The following GMDS variants were observed in gnomAD, a reference collection of about 807,000 sequenced individuals.
GMDS encodes GDP-mannose 4,6-dehydratase.
GMDS carries 20 observed loss-of-function variants against 49.9 expected under a neutral mutation model. That is an observed-to-expected ratio of 0.40 (90% CI 0.28 to 0.58). GMDS has a LOEUF of 0.58. GMDS is among the 20% of genes least tolerant of loss of function. The pLI, the probability that GMDS is intolerant of heterozygous loss-of-function variation, is 0.42. For missense variants in GMDS, 362 were observed against 481.4 expected, an observed-to-expected ratio of 0.75 and a Z score of 2.32; for synonymous variants, 177 against 178.6, an observed-to-expected ratio of 0.99 and a Z score of 0.07.
At chr6:1,841,472 T>C (rs1757149570) in intron 7 of GMDS, among the ~76,000 whole-genome samples, 1 of 152,238 alleles carries the variant, frequency 6.6e-6, no homozygotes, top group Admixed American at 6.5e-5. Context: ...CTAACGTTTT[T>C]GAAATGATTG....
intron 9 of GMDS, among the ~76,000 whole-genome samples, chr6:1,680,605 G>T (rs1764757910): frequency 6.6e-6 from 1 of 152,130 alleles, no homozygotes; most frequent in African/African-American, 2.4e-5. Context: ...GACACGCAAG[G>T]TCATACTGCT....
At chr6:2,001,824 T>G (rs1191235923) in intron 4 of GMDS, among the ~76,000 whole-genome samples, 1 of 152,170 alleles carries the variant, frequency 6.6e-6, no homozygotes, top group Admixed American at 6.6e-5. Context: ...CACGGACAAC[T>G]GGAGAGCTAC....
intron 1 of GMDS, among the ~76,000 whole-genome samples, chr6:2,231,742 T>C (rs902862640): frequency 6.6e-6 from 1 of 152,198 alleles, no homozygotes; most frequent in Non-Finnish European, 1.5e-5. Flanking sequence ...CAGACAGCCC[T>C]GGTTTCCAAC....
chr6:2,050,062 A>T (rs1237829880), intron 4 of GMDS, among the ~76,000 whole-genome samples: 1 of 152,154 alleles, frequency 6.6e-6, no homozygotes, highest in African/African-American at 2.4e-5. Flanking sequence ...GACACAAAAA[A>T]CCCTTTAAAA....
At chr6:1,692,387 C>A (rs79327859) in intron 9 of GMDS, among the ~76,000 whole-genome samples, 1 of 152,234 alleles carries the variant, frequency 6.6e-6, no homozygotes, top group African/African-American at 2.4e-5. Flanking sequence ...TTCTGTCCCT[C>A]TAGAGAATGC....
At chr6:1,930,028 T>A in intron 7 of GMDS, 75 bp downstream of exon 7, 2 of 1,379,366 alleles carry the variant, frequency 1.4e-6, no homozygotes, top group Non-Finnish European at 2.0e-6. Context: ...AGGTCACACT[T>A]TTTCACTGTA....
chr6:1,802,643 G>A (rs2113661731), intron 7 of GMDS, among the ~76,000 whole-genome samples: 1 of 152,348 alleles, frequency 6.6e-6, no homozygotes, highest in South Asian at 2.1e-4. Flanking sequence ...AGGCCTGGGC[G>A]AGTCTGCCCT....
chr6:2,129,626 G>A (rs899383988), intron 1 of GMDS, among the ~76,000 whole-genome samples: 2 of 152,150 alleles, frequency 1.3e-5, no homozygotes, highest in African/African-American at 4.8e-5. Context: ...CGTTTGCACT[G>A]CCTTTTTATG....
intron 4 of GMDS, among the ~76,000 whole-genome samples, chr6:2,015,501 G>A (rs1767834477): frequency 6.6e-6 from 1 of 152,118 alleles, no homozygotes; most frequent in Admixed American, 6.6e-5. Context: ...TGGGGTGCAG[G>A]AAAAGCAGTG....
At chr6:1,751,300 G>C (rs191987647) in intron 7 of GMDS, among the ~76,000 whole-genome samples, 1 of 152,182 alleles carries the variant, frequency 6.6e-6, no homozygotes, top group South Asian at 2.1e-4. Flanking sequence ...AGCAGGGGTT[G>C]ACAGACACCT....
At chr6:1,765,106 C>A (rs544519915) in intron 7 of GMDS, among the ~76,000 whole-genome samples, 1 of 151,512 alleles carries the variant, frequency 6.6e-6, no homozygotes, top group Non-Finnish European at 1.5e-5. Flanking sequence ...AAGATTTAAA[C>A]AATTTAAATC....
chr6:1,903,463 T>C (rs557101491), intron 7 of GMDS, among the ~76,000 whole-genome samples: 3 of 152,338 alleles, frequency 2.0e-5, no homozygotes, highest in Non-Finnish European at 4.4e-5. Flanking sequence ...GCTATTCTCG[T>C]CTAATTCAAC....
intron 9 of GMDS, among the ~76,000 whole-genome samples, chr6:1,675,395 T>C (rs1175463439): frequency 6.6e-6 from 1 of 151,736 alleles, no homozygotes; most frequent in Non-Finnish European, 1.5e-5. Flanking sequence ...ACAAAGACAG[T>C]GTTATTTCTT....
chr6:1,818,132 T>C (rs1369696353), intron 7 of GMDS, among the ~76,000 whole-genome samples: 1 of 152,224 alleles, frequency 6.6e-6, no homozygotes, highest in East Asian at 1.9e-4. Context: ...ATTTATGGTA[T>C]GACGACAGGT....
At chr6:1,991,581 C>G (rs1305138760) in intron 4 of GMDS, among the ~76,000 whole-genome samples, 1 of 152,180 alleles carries the variant, frequency 6.6e-6, no homozygotes, top group Non-Finnish European at 1.5e-5. Flanking sequence ...GTTGACTTCT[C>G]TCTCTCCCCA....
intron 8 of GMDS, among the ~76,000 whole-genome samples, chr6:1,740,473 C>T (rs1767226245): frequency 6.6e-6 from 1 of 151,620 alleles, no homozygotes; most frequent in Admixed American, 6.6e-5. Flanking sequence ...AGGAGAATCA[C>T]TGGAACCCAG....
intron 7 of GMDS, among the ~76,000 whole-genome samples, chr6:1,789,303 C>T (rs1023534191): frequency 6.6e-6 from 1 of 152,132 alleles, no homozygotes; most frequent in Non-Finnish European, 1.5e-5. Flanking sequence ...ATGCTGACCT[C>T]ACTTGGCTCA....
chr6:1,635,947 C>T lies in GMDS; in HGVS notation c.988-11407G>A, dbSNP rs373737702. Among the ~76,000 whole-genome samples, 14 of 152,296 alleles carry T rather than the reference C, an allele frequency of 9.2e-5. No homozygotes were observed. Among genetic ancestry groups the T allele is most frequent in the African/African-American group, 3.1e-4 (13 of 41,554 alleles). ...ACTACTGTTTGGTTAGAGCCCTTTCCTCACAAGGCACTTTTCCTACGTCGC... is the reference window on the plus strand; with the variant it reads ...ACTACTGTTTGGTTAGAGCCCTTTCTTCACAAGGCACTTTTCCTACGTCGC... On this transcript the variant is annotated intron_variant, in intron 9 of 10. Transcript: ENST00000380815. This position sits in a 1 kb window ranked among gnomAD's most constrained non-coding sequence, Gnocchi z 4.7.
chr6:1,808,079 C>T (rs192792775), intron 7 of GMDS, among the ~76,000 whole-genome samples: 28 of 152,268 alleles, frequency 1.8e-4, no homozygotes, highest in African/African-American at 5.3e-4. Context: ...ATTTGCAGTA[C>T]GCTTTTCTGC....
Sources: gnomAD v4.1 joint callset for allele counts (sites outside exome capture counted in the v4.1 genomes callset) on GRCh38, gnomAD v4.1.1 for gene constraint, Gnocchi (gnomAD v3.1) non-coding constraint, MANE v1.5 for transcripts, NCBI Gene and HGNC (gene_info 2026-07-23, HGNC 2026-07-21) for gene names.